STK32B: variants seen among roughly 807,000 people sequenced by gnomAD.
STK32B encodes the protein serine/threonine kinase 32B.
STK32B carries 43 observed loss-of-function variants against 52.6 expected under a neutral mutation model. The ratio of observed to expected loss-of-function variants is 0.82; its 90% confidence interval spans 0.64 to 1.05. The LOEUF is 1.05. STK32B is among the 50% of genes least tolerant of loss of function. STK32B has a pLI of 0.00. For synonymous variants in STK32B, 238 were observed against 204.3 expected (o/e 1.17, Z -1.41); for missense variants, 621 against 534.6 (o/e 1.16, Z -1.59).
intron 8 of STK32B, among the ~76,000 whole-genome samples, chr4:5,458,153 A>C (rs1716726259): frequency 6.6e-6 from 1 of 152,134 alleles, no homozygotes; most frequent in South Asian, 2.1e-4. Context: ...GGTGGGCCCC[A>C]CTGTCTGTGT....
intron 4 of STK32B, among the ~76,000 whole-genome samples, chr4:5,379,095 C>T (rs900811119): frequency 6.6e-6 from 1 of 152,098 alleles, no homozygotes; most frequent in African/African-American, 2.4e-5. Context: ...TGAGGCTGCC[C>T]CCTCCCTACC....
At chr4:5,038,188 A>G in the STK32B span, among the ~76,000 whole-genome samples, 1 of 152,206 alleles carries the variant, frequency 6.6e-6, no homozygotes, top group African/African-American at 2.4e-5. Context: ...AATTAAAACC[A>G]TTCAGCTGTT....
At position 5,335,844 on chromosome 4, in the gene STK32B, C is replaced by T. The variant is rs576166025; in HGVS notation, c.434+4451C>T. ...TTTGATTGCACTGTGATCTGAGAGA[C>T]AGTTTGTTATAATTTCTATTCTTTT... On this transcript the variant is annotated intron_variant, in intron 4 of 11. Transcript: ENST00000282908. 2.6e-5 allele frequency among the ~76,000 whole-genome samples: 4 copies of T among 151,940 alleles called. No individual in the cohort carries two copies. In the East Asian group the frequency reaches 7.8e-4, roughly 29 times the overall value.
At chr4:5,191,500 C>T (rs549928882) in intron 3 of STK32B, among the ~76,000 whole-genome samples, 28 of 151,992 alleles carry the variant, frequency 1.8e-4, no homozygotes, top group Admixed American at 2.6e-4. Context: ...GTGATCTGCC[C>T]ACCTCGGCAT....
In STK32B at chr4:5,282,405, A is replaced by G. The variant is rs578197870; in HGVS notation, c.261-48815A>G. ...TACAGAGGGCCTACTGTATATACCTATCATGAAGTTTAATTTCTAAATTAG... is the reference window on the plus strand; with the variant it reads ...TACAGAGGGCCTACTGTATATACCTGTCATGAAGTTTAATTTCTAAATTAG... On this transcript the variant is annotated intron_variant, in intron 3 of 11. Coordinates refer to ENST00000282908, the MANE Select transcript of STK32B (RefSeq NM_018401.3). 1.6e-4 allele frequency among the ~76,000 whole-genome samples: 25 copies of G among 152,290 alleles called. 1 individual carries two copies. The South Asian group carries it at 4.8e-3, about 29-fold the overall frequency.
At chr4:5,316,977 A>AT (rs1730956156) in intron 3 of STK32B, among the ~76,000 whole-genome samples, 1 of 17,724 alleles carries the variant, frequency 5.6e-5, no homozygotes, top group East Asian at 3.7e-3. Flanking sequence ...TAATATATAT[A>AT]ATATATAATA....
chr4:5,099,478 A>G (rs1254640720), intron 1 of STK32B, among the ~76,000 whole-genome samples: 3 of 102,302 alleles, frequency 2.9e-5, no homozygotes, highest in Admixed American at 9.1e-5. Context: ...TGTGTTCACA[A>G]CTAAGTGGAG....
intron 3 of STK32B, among the ~76,000 whole-genome samples, chr4:5,267,844 C>A (rs1727154129): frequency 6.6e-6 from 1 of 152,196 alleles, no homozygotes; most frequent in Admixed American, 6.5e-5. Context: ...GTGAATCCTT[C>A]ATCTGTTCCT....
intron 5 of STK32B, among the ~76,000 whole-genome samples, chr4:5,411,000 G>T (rs151093213): frequency 8.6e-5 from 13 of 151,884 alleles, no homozygotes; most frequent in African/African-American, 2.7e-4. Context: ...CCTGTTTCAT[G>T]AGGTGAATAA....
chr4:5,074,918 T>A (rs544431176), intron 1 of STK32B, among the ~76,000 whole-genome samples: 1 of 152,154 alleles, frequency 6.6e-6, no homozygotes, highest in Non-Finnish European at 1.5e-5. Flanking sequence ...GACTTGGTAC[T>A]TACTCTTACT....
chr4:5,158,455 C>T (rs991552566), intron 2 of STK32B, among the ~76,000 whole-genome samples: 2 of 152,176 alleles, frequency 1.3e-5, no homozygotes, highest in African/African-American at 4.8e-5. Context: ...AAGAGCTCCC[C>T]ACCCCGAAGG....
chr4:5,419,715 T>C (rs1291814096), intron 6 of STK32B, among the ~76,000 whole-genome samples: 1 of 152,212 alleles, frequency 6.6e-6, no homozygotes, highest in African/African-American at 2.4e-5. Flanking sequence ...ATTTTGAGGG[T>C]TGTAAGGAGA....
At chr4:5,319,134 T>G (rs1731315874) in intron 3 of STK32B, among the ~76,000 whole-genome samples, 1 of 152,188 alleles carries the variant, frequency 6.6e-6, no homozygotes, top group African/African-American at 2.4e-5. Context: ...AAGCACTCAT[T>G]ATGTGTCAGT....
chr4:5,311,084 T>C (rs1352826653), intron 3 of STK32B, among the ~76,000 whole-genome samples: 1 of 152,214 alleles, frequency 6.6e-6, no homozygotes, highest in African/African-American at 2.4e-5. Context: ...GCCAAAGCTT[T>C]GTTAACAGAT....
chr4:5,197,549 A>G (rs1721782884), intron 3 of STK32B, among the ~76,000 whole-genome samples: 1 of 152,118 alleles, frequency 6.6e-6, no homozygotes, highest in Admixed American at 6.5e-5. Context: ...TTCCTTATTT[A>G]TCTCCACTAA....
In STK32B at chr4:5,304,120, CA is replaced by C. The variant is rs146025634; in HGVS notation, c.261-27099del. ...ATGAAGTCAGATAATGCAGTGCCTC[CA>C]GATTTGTTCTTTTGGCTTAGTCTTG... On this transcript the variant is annotated intron_variant, in intron 3 of 11. Transcript: ENST00000282908. 3.7e-3 allele frequency among the ~76,000 whole-genome samples: 565 copies of C among 152,152 alleles called. 5 individuals are homozygous for C. Among genetic ancestry groups the C allele is most frequent in the African/African-American group, 0.013 (532 of 41,522 alleles).
intron 6 of STK32B, among the ~76,000 whole-genome samples, chr4:5,421,776 C>T (rs1234746013): frequency 1.3e-5 from 2 of 152,212 alleles, no homozygotes; most frequent in Admixed American, 6.5e-5. Flanking sequence ...ATTGGGACCT[C>T]GCTACCTGCC....
At position 5,396,155 on chromosome 4, in the gene STK32B, C is replaced by T. The variant is rs1736905437; in HGVS notation, c.435-2052C>T. ...AATACAAATTTATTCTCTCATAATT[C>T]CGGCCAGAAGTCCAAAATCAAAGAG... On this transcript the variant is annotated intron_variant, in intron 4 of 11. Coordinates refer to ENST00000282908, the MANE Select transcript of STK32B (RefSeq NM_018401.3). This position sits in a 1 kb window ranked among gnomAD's most constrained non-coding sequence, Gnocchi z 4.7. 6.6e-6 allele frequency among the ~76,000 whole-genome samples: 1 copy of T among 152,206 alleles called. No homozygotes were observed. The highest frequency in any genetic ancestry group is 1.5e-5 in the Non-Finnish European group (1 of 68,036).
In STK32B at chr4:5,159,635, ATATATGAATG is replaced by A. The variant is rs1466577090; in HGVS notation, c.109-8654_109-8645del. ...AATATATATGAATATATATGAATAT[ATATATGAATG>A]TATATGAATATATATATGAATGTAT... is the stretch of plus-strand genomic sequence containing the variant. On this transcript the variant is annotated intron_variant, in intron 2 of 11. Coordinates refer to ENST00000282908, the MANE Select transcript of STK32B (RefSeq NM_018401.3). Among the ~76,000 whole-genome samples, 172 of 101,674 alleles carry A rather than the reference ATATATGAATG, an allele frequency of 1.7e-3. 28 individuals are homozygous for A. The highest frequency in any genetic ancestry group is 0.014 in the East Asian group (52 of 3,760). The allele number at this position is 101,674 out of a possible 152,430, so 66.7% of individuals were successfully genotyped here.
Sources: gnomAD v4.1 joint callset for allele counts (sites outside exome capture counted in the v4.1 genomes callset) on GRCh38, gnomAD v4.1.1 for gene constraint, Gnocchi (gnomAD v3.1) non-coding constraint, MANE v1.5 for transcripts, NCBI Gene and HGNC (gene_info 2026-07-23, HGNC 2026-07-21) for gene names.